CENPU: variants seen among roughly 807,000 people sequenced by gnomAD.
CENPU encodes centromere protein U.
In CENPU, 46 loss-of-function variants were observed where a neutral mutation model predicts 56.7. The ratio of observed to expected loss-of-function variants is 0.81; its 90% CI spans 0.64 to 1.04. The LOEUF (loss-of-function observed/expected upper bound fraction) is 1.04. Among genes scored for constraint, CENPU ranks in the 50% least tolerant of loss-of-function variants. The pLI is 0.00. For missense variants in CENPU, 510 were observed against 490.1 expected (o/e 1.04, Z -0.38); for synonymous variants, 166 against 163.0 (o/e 1.02, Z -0.14).
At chr4:184,731,049 G>A (rs1231174574) in intron 1 of CENPU, 81 bp from the exon 2 acceptor site, 6 of 875,568 alleles carry the variant, frequency 6.9e-6, no homozygotes, top group African/African-American at 4.2e-5. Flanking sequence ...CCCTTTCCGC[G>A]CATTTTTACC....
At chr4:184,700,089 C>A (rs1760482127) in intron 11 of CENPU, among the ~76,000 whole-genome samples, 1 of 152,246 alleles carries the variant, frequency 6.6e-6, no homozygotes, top group African/African-American at 2.4e-5. Context: ...GACACCACAT[C>A]TAGCACTGTT....
rs771067885 is a variant in CENPU, at chr4:184,716,569, C to A, written c.446G>T (p.Arg149Ile). 6.2e-7 allele frequency: 1 copy of A among 1,614,192 alleles called. No individual in the cohort carries two copies. Among genetic ancestry groups the A allele is most frequent in the Admixed American group, 1.7e-5 (1 of 60,032 alleles). ...TATTTTCTCTGCTGATTTAACTTTT[C>A]TCCTTGTATCACTTTCTTCAATGCT... is the stretch of plus-strand genomic sequence containing the variant. The part of the protein sequence containing the change: ...SESIEESDTR[R>I]KVKSAEKIST... Residue 149 changes from arginine (R) to isoleucine (I), a missense_variant, in exon 6 of 13, where the codon AGA becomes ATA. Transcript: ENST00000281453.
At position 184,712,939 on chromosome 4, in the gene CENPU, TCTAC is replaced by T. The variant is rs1760972147; in HGVS notation, c.688+1_688+4del. Reference sequence around the variant, plus strand: ...AGTGACAAAGTATAAAACATCATTCTCTACCTGAGCCTATGGCTTTACTTCTTGA... The same window carrying T: ...AGTGACAAAGTATAAAACATCATTCTCTGAGCCTATGGCTTTACTTCTTGA... On this transcript the variant is annotated splice_donor_variant and splice_donor_region_variant and intron_variant, in intron 7 of 12. Coordinates refer to ENST00000281453, the MANE Select transcript of CENPU (RefSeq NM_024629.4). LOFTEE classifies it high-confidence loss of function. The T allele has an allele frequency of 1.3e-6, 2 of 1,563,040 alleles. No individual in the cohort carries two copies. The highest frequency in any genetic ancestry group is 2.8e-5 in the African/African-American group (2 of 72,680).
intron 11 of CENPU, among the ~76,000 whole-genome samples, chr4:184,698,787 G>GA (rs1291004363): frequency 2.0e-5 from 3 of 152,150 alleles, no homozygotes; most frequent in African/African-American, 7.2e-5. Flanking sequence ...CAGCGCTGGG[G>GA]AAAACTCACT....
intron 2 of CENPU, among the ~76,000 whole-genome samples, chr4:184,730,136 T>C (rs887590020): frequency 2.0e-4 from 30 of 152,218 alleles, no homozygotes; most frequent in African/African-American, 7.2e-4. Context: ...CCAGGCACTC[T>C]GGGCTTCCAG....
At chr4:184,714,791 C>T (rs563153232) in intron 6 of CENPU, among the ~76,000 whole-genome samples, 3 of 152,226 alleles carry the variant, frequency 2.0e-5, no homozygotes, top group African/African-American at 7.2e-5. Context: ...ATGTAAACCT[C>T]ACCATATTTA....
chr4:184,706,326 A>T (rs982645278), intron 8 of CENPU, among the ~76,000 whole-genome samples: 1 of 152,202 alleles, frequency 6.6e-6, no homozygotes, highest in African/African-American at 2.4e-5. Flanking sequence ...CAACACAGTG[A>T]CACCCCCCAT....
Position 184,694,440 on chromosome 4 carries a change from A to G in CENPU, c.*848T>C. On this transcript the variant is annotated 3_prime_UTR_variant, in exon 13 of 13. Transcript: ENST00000281453. ...ATCTGTCACTTAATACCTTACTTCAACATAGAGTATAAGGTTAAATCACAT... is the reference window on the plus strand; with the variant it reads ...ATCTGTCACTTAATACCTTACTTCAGCATAGAGTATAAGGTTAAATCACAT... The G allele has an allele frequency of 1.3e-6, 2 of 1,502,926 alleles. No homozygotes were observed. The highest frequency in any genetic ancestry group is 2.4e-5 in the East Asian group (1 of 42,212). The allele number at this position is 1,502,926 out of a possible 1,614,324, so 93.1% of individuals were successfully genotyped here. A position where few individuals can be genotyped will look rare whatever the true frequency, so the allele number is the denominator to read the frequency against.
At chr4:184,709,539 A>C (rs1760850781) in intron 8 of CENPU, among the ~76,000 whole-genome samples, 1 of 152,206 alleles carries the variant, frequency 6.6e-6, no homozygotes, top group Admixed American at 6.5e-5. Context: ...GATGCATATT[A>C]GTATCAGGTA....
chr4:184,731,207 A>G (rs1339746938), intron 1 of CENPU, among the ~76,000 whole-genome samples: 1 of 152,212 alleles, frequency 6.6e-6, no homozygotes, highest in East Asian at 1.9e-4. Context: ...GGCCTTAATC[A>G]ATCAGCAGTG....
rs746289988 is a variant in CENPU, at chr4:184,695,263, G to A, written c.*25C>T. ...ACAGCATGAGACTAGTCTTCCTATA[G>A]GCACATTTTAGTAGACTGCTCTTCT... On this transcript the variant is annotated 3_prime_UTR_variant, in exon 13 of 13. Coordinates refer to ENST00000281453, the MANE Select transcript of CENPU (RefSeq NM_024629.4). The A allele has an allele frequency of 6.8e-7, 1 of 1,467,216 alleles. No homozygotes were observed. The highest frequency in any genetic ancestry group is 9.6e-7 in the Non-Finnish European group (1 of 1,046,636). 90.9% of individuals were successfully genotyped at this position (1,467,216 alleles called of 1,614,324 possible). A position where few individuals can be genotyped will look rare whatever the true frequency, so the allele number is the denominator to read the frequency against.
At chr4:184,723,799 C>T (rs993550983) in intron 4 of CENPU, among the ~76,000 whole-genome samples, 14 of 124,716 alleles carry the variant, frequency 1.1e-4, no homozygotes, top group South Asian at 2.7e-4. Context: ...GCCAAGATTG[C>T]GCCACTGCAC....
Position 184,734,018 on chromosome 4 carries a change from C to T in CENPU, c.45G>A (p.Glu15=), listed in dbSNP as rs990903439. Residue 15 remains glutamate, a splice_region_variant and synonymous_variant, in exon 1 of 13, where the codon GAG becomes GAA. Coordinates refer to ENST00000281453, the MANE Select transcript of CENPU (RefSeq NM_024629.4). The stretch of plus-strand genomic sequence containing the variant: ...TCCCGAGGGTCGGCAGTACTTACCC[C>T]TCAGACCTGTGAGGCCGCGGCCGCC... ...GRRRPRPHRS[E]GARRSKNTLE... The T allele has an allele frequency of 6.2e-7, 1 of 1,604,604 alleles. No individual in the cohort carries two copies. The highest frequency in any genetic ancestry group is 8.5e-7 in the Non-Finnish European group (1 of 1,177,048).
chr4:184,726,200 A>C (rs1037117112), intron 3 of CENPU, among the ~76,000 whole-genome samples: 8 of 152,232 alleles, frequency 5.3e-5, no homozygotes, highest in African/African-American at 1.9e-4. Context: ...GGGGGGAAAA[A>C]AGAAATAGAA....
intron 1 of CENPU, among the ~76,000 whole-genome samples, chr4:184,732,241 TCA>T (rs919504527): frequency 5.1e-5 from 5 of 97,394 alleles, no homozygotes; most frequent in East Asian, 4.2e-4. Flanking sequence ...TTACTGTGAA[TCA>T]CAGTTAAAAA....
chr4:184,709,015 T>G (rs1229809611), intron 8 of CENPU, among the ~76,000 whole-genome samples: 3 of 148,850 alleles, frequency 2.0e-5, no homozygotes, highest in African/African-American at 7.3e-5. Context: ...AAAAGTAGAA[T>G]AAAAAAGTTA....
rs780421856 is a variant in CENPU at position 184,695,345 on chromosome 4, G to A, written c.1200C>T (p.Ala400=). The A allele has an allele frequency of 1.4e-5, 23 of 1,613,462 alleles. No individual in the cohort carries two copies. Among genetic ancestry groups the A allele is most frequent in the Middle Eastern group, 1.7e-4 (1 of 6,056 alleles). ...LLFKARTLLG[A]ESHLRNINHQ... ...GGTTGATATTTCGCAGATGGCTTTC[G>A]GCTCCCAGAAGTGTTCTTGCTTTAA... The change falls in exon 13 of 13, where the codon GCC becomes GCT. Residue 400 remains alanine (A), a synonymous_variant. Transcript: ENST00000281453.
intron 8 of CENPU, among the ~76,000 whole-genome samples, chr4:184,707,375 CCCCTGCA>C (rs926838307): frequency 6.6e-6 from 1 of 152,016 alleles, no homozygotes; most frequent in Non-Finnish European, 1.5e-5. Flanking sequence ...GCTCCCCTGC[CCCCTGCA>C]GCAACTGAGA....
At chr4:184,726,933 T>C (rs1421928755) in intron 3 of CENPU, among the ~76,000 whole-genome samples, 2 of 89,938 alleles carry the variant, frequency 2.2e-5, no homozygotes, top group African/African-American at 1.0e-4. Context: ...TACTGAAAAA[T>C]ACAAAAATTA....
Sources: allele counts gnomAD v4.1 joint callset (sites outside exome capture counted in the v4.1 genomes callset), GRCh38; gene constraint gnomAD v4.1.1; transcripts MANE v1.5; gene names NCBI Gene and HGNC (gene_info 2026-07-23, HGNC 2026-07-21).